The following LSAMP variants were observed in gnomAD, a reference collection of about 807,000 sequenced individuals.
The protein encoded by LSAMP is limbic system associated membrane protein.
LSAMP carries 7 observed loss-of-function variants against 38.6 expected under a neutral mutation model. The observed-to-expected ratio is 0.18, with a 90% CI of 0.10 to 0.34. LSAMP has a LOEUF of 0.34. Ranked by LOEUF, LSAMP falls within the 10% of genes least tolerant of loss-of-function variation. The pLI, the probability that LSAMP is intolerant of heterozygous loss-of-function variation, is 1.00. For synonymous variants in LSAMP, 154 were observed against 166.8 expected (o/e 0.92, Z 0.59); for missense variants, 313 against 420.0 (o/e 0.75, Z 2.23).
chr3:116,389,885 A>G (rs1364195479), intron 1 of LSAMP, among the ~76,000 whole-genome samples: 3 of 152,220 alleles, frequency 2.0e-5, no homozygotes, highest in Non-Finnish European at 2.9e-5. Flanking sequence ...CTAATTACTA[A>G]GAGAAGAATG....
chr3:116,131,832 C>CTTTTTT (rs746101746), intron 1 of LSAMP, among the ~76,000 whole-genome samples: 6 of 142,658 alleles, frequency 4.2e-5, no homozygotes, highest in Non-Finnish European at 9.3e-5. Flanking sequence ...TTTTCTTTTT[C>CTTTTTT]TTTTTTTTTT....
intron 3 of LSAMP, among the ~76,000 whole-genome samples, chr3:115,903,287 T>C (rs1936925586): frequency 6.6e-6 from 1 of 152,096 alleles, no homozygotes; most frequent in Admixed American, 6.6e-5. Flanking sequence ...AGCTAAATGA[T>C]GAGAACACAT....
At chr3:115,912,615 G>A (rs973668600) in intron 3 of LSAMP, among the ~76,000 whole-genome samples, 4 of 152,208 alleles carry the variant, frequency 2.6e-5, no homozygotes, top group African/African-American at 9.7e-5. Context: ...AGAAGTCTGG[G>A]CTCCACACTT....
intron 6 of LSAMP, among the ~76,000 whole-genome samples, chr3:115,837,684 C>T (rs1934839917): frequency 6.6e-6 from 1 of 152,172 alleles, no homozygotes; most frequent in South Asian, 2.1e-4. Context: ...AGATTCTGCT[C>T]ACCTCCTAAC....
chr3:115,854,942 G>T (rs1031631325), intron 3 of LSAMP, among the ~76,000 whole-genome samples: 28 of 152,182 alleles, frequency 1.8e-4, no homozygotes, highest in African/African-American at 6.8e-4. Flanking sequence ...ATTTTAATGA[G>T]AAAATAGTTA....
At chr3:116,315,300 AGTCTTATGTACACT>A (rs1345869744) in intron 1 of LSAMP, among the ~76,000 whole-genome samples, 1 of 152,204 alleles carries the variant, frequency 6.6e-6, no homozygotes, top group Admixed American at 6.5e-5. Context: ...ATAGGGGTCC[AGTCTTATGTACACT>A]GTCTTCTTCC....
chr3:116,356,019 G>A (rs1239694725), intron 1 of LSAMP, among the ~76,000 whole-genome samples: 3 of 152,070 alleles, frequency 2.0e-5, no homozygotes, highest in Non-Finnish European at 4.4e-5. Context: ...ATAGTTCAGA[G>A]GTTCCTCAAA....
At chr3:116,248,448 C>G (rs929456640) in intron 1 of LSAMP, among the ~76,000 whole-genome samples, 4 of 148,114 alleles carry the variant, frequency 2.7e-5, no homozygotes, top group African/African-American at 1.0e-4. Context: ...TCTGTCTAGC[C>G]TGGGCAATAT....
chr3:116,346,885 T>C (rs982542050), intron 1 of LSAMP, among the ~76,000 whole-genome samples: 1 of 152,220 alleles, frequency 6.6e-6, no homozygotes, highest in Non-Finnish European at 1.5e-5. Flanking sequence ...TTTGAATCCA[T>C]ATGTTTATTT....
rs149834535 is a variant in LSAMP at position 116,019,387 on chromosome 3, C to T, written c.514+128G>A. ...TTTTAATAACAAGATAGATGCATGA[C>T]CTTCTGATTCAACAGAATTTCAATT... On this transcript the variant is annotated intron_variant, in intron 3 of 6. Coordinates refer to ENST00000490035, the MANE Select transcript of LSAMP (RefSeq NM_002338.5). 85 of 1,160,834 alleles carry T rather than the reference C, an allele frequency of 7.3e-5. No individual in the cohort carries two copies. The African/African-American group carries it at 1.2e-3, about 17-fold the overall frequency. 71.9% of individuals were successfully genotyped at this position (1,160,834 alleles called of 1,614,324 possible). A position where few individuals can be genotyped will look rare whatever the true frequency, so the allele number is the denominator to read the frequency against.
At chr3:116,153,817 G>T in intron 1 of LSAMP, among the ~76,000 whole-genome samples, 1 of 152,072 alleles carries the variant, frequency 6.6e-6, no homozygotes, top group Non-Finnish European at 1.5e-5. Context: ...TAATAGATTT[G>T]CTAGGTAAAT....
Position 115,924,218 on chromosome 3 carries a change from C to T in LSAMP, c.515-71601G>A, listed in dbSNP as rs796252023. ...TGGAGTGAAATGGTAAGCTCCTTGC[C>T]CTTTTAAATCACCATTTGTGCAGCC... On this transcript the variant is annotated intron_variant, in intron 3 of 6. Coordinates refer to ENST00000490035, the MANE Select transcript of LSAMP (RefSeq NM_002338.5). 4.6e-5 allele frequency among the ~76,000 whole-genome samples: 7 copies of T among 152,058 alleles called. No homozygotes were observed. The South Asian group carries it at 1.5e-3, about 32-fold the overall frequency.
At chr3:116,314,662 T>C (rs541343658) in intron 1 of LSAMP, among the ~76,000 whole-genome samples, 5 of 152,306 alleles carry the variant, frequency 3.3e-5, no homozygotes, top group South Asian at 2.1e-4. Flanking sequence ...CCAGGAATCA[T>C]GTTTTACTTA....
chr3:116,169,091 G>A (rs1049253025), intron 1 of LSAMP, among the ~76,000 whole-genome samples: 8 of 152,152 alleles, frequency 5.3e-5, no homozygotes, highest in African/African-American at 1.9e-4. Context: ...TGTAGTCCTA[G>A]CTACTTGGGA....
At chr3:115,854,157 A>T (rs1935419371) in intron 3 of LSAMP, among the ~76,000 whole-genome samples, 1 of 151,704 alleles carries the variant, frequency 6.6e-6, no homozygotes, top group Non-Finnish European at 1.5e-5. Context: ...GAGTAATATA[A>T]CATTATTTGG....
At chr3:116,406,605 CT>C in intron 1 of LSAMP, among the ~76,000 whole-genome samples, 1 of 151,902 alleles carries the variant, frequency 6.6e-6, no homozygotes, top group Admixed American at 6.6e-5. Context: ...TCTTCTCATC[CT>C]TTGATTAGGA....
chr3:116,200,341 G>A (rs534073909), intron 1 of LSAMP, among the ~76,000 whole-genome samples: 1 of 152,188 alleles, frequency 6.6e-6, no homozygotes, highest in Non-Finnish European at 1.5e-5. Flanking sequence ...GTTGAGGATG[G>A]TATCATCTGG....
At chr3:116,086,748 A>T (rs1707997132) in intron 1 of LSAMP, among the ~76,000 whole-genome samples, 192 bp from the exon 2 acceptor site, 1 of 152,192 alleles carries the variant, frequency 6.6e-6, no homozygotes, top group Non-Finnish European at 1.5e-5. Flanking sequence ...CAGTGGATGG[A>T]TGTCATTATA....
chr3:116,433,399 GC>G (rs2049307626), intron 1 of LSAMP, among the ~76,000 whole-genome samples: 2 of 152,100 alleles, frequency 1.3e-5, no homozygotes, highest in Non-Finnish European at 2.9e-5. Flanking sequence ...TTTATGGAAA[GC>G]TAGGTTGCAT....
Sources: allele counts gnomAD v4.1 joint callset (sites outside exome capture counted in the v4.1 genomes callset), GRCh38; gene constraint gnomAD v4.1.1; transcripts MANE v1.5; gene names NCBI Gene and HGNC (gene_info 2026-07-23, HGNC 2026-07-21).